KIF4A: variants seen among roughly 807,000 people sequenced by gnomAD.
KIF4A encodes the protein kinesin family member 4A, also known as chromosome-associated kinesin KIF4A.
In KIF4A, 7 loss-of-function variants were observed where a neutral mutation model predicts 105.9. That is an observed-to-expected ratio of 0.07 (90% CI 0.04 to 0.12). KIF4A has a LOEUF of 0.12. Ranked by LOEUF, KIF4A falls within the 10% of genes least tolerant of loss-of-function variation. KIF4A has a pLI of 1.00. For synonymous variants in KIF4A, 281 were observed against 331.3 expected (o/e 0.85, Z 1.65); for missense variants, 558 against 929.2 (o/e 0.60, Z 5.19).
chrX:70,343,261 A>G (rs1371489023), intron 11 of KIF4A, among the ~76,000 whole-genome samples: 1 of 111,718 alleles, frequency 9.0e-6, no homozygotes, highest in Non-Finnish European at 1.9e-5. Context: ...GCTAGGGAAC[A>G]GCGTAGTGTA....
intron 20 of KIF4A, among the ~76,000 whole-genome samples, chrX:70,394,691 T>C (rs1407471930): frequency 8.9e-6 from 1 of 112,287 alleles, no homozygotes; most frequent in Admixed American, 9.5e-5. Context: ...TTATGATTTA[T>C]ATTATCTTTG....
intron 5 of KIF4A, 100 bp from the exon 6 acceptor site, chrX:70,301,800 C>A: frequency 1.1e-6 from 1 of 926,043 alleles, no homozygotes; most frequent in Non-Finnish European, 1.5e-6. Flanking sequence ...TGAGGTTCTA[C>A]TAGACTATCA....
At position 70,417,777 on chromosome X, in the gene KIF4A, T is replaced by C. The variant is rs752138026; in HGVS notation, c.3256-111T>C. On this transcript the variant is annotated intron_variant, in intron 28 of 30. Coordinates refer to ENST00000374403, the MANE Select transcript of KIF4A (RefSeq NM_012310.5). ...ACTAAGGAGATTGAAGCTTGGTAGA[T>C]AATAGTACTTTCCATTTTTTTCTAG... 52 of 526,936 alleles carry C rather than the reference T, an allele frequency of 9.9e-5. 1 individual carries two copies. In the South Asian group the frequency reaches 1.7e-3, roughly 17 times the overall value. The allele number at this position is 526,936 out of a possible 1,213,427, so 43.4% of individuals were successfully genotyped here. A position where few individuals can be genotyped will look rare whatever the true frequency, so the allele number is the denominator to read the frequency against.
At position 70,420,879 on chromosome X, in the gene KIF4A, GT is replaced by G. The variant is rs1205054109; in HGVS notation, c.*616del. The G allele has an allele frequency of 9.0e-6, 1 of 111,386 alleles. No individual in the cohort carries two copies. The highest frequency in any genetic ancestry group is 1.9e-5 in the Non-Finnish European group (1 of 53,067). The allele number at this position is 111,386 out of a possible 1,213,427, so 9.2% of individuals were successfully genotyped here. A position where few individuals can be genotyped will look rare whatever the true frequency, so the allele number is the denominator to read the frequency against. On this transcript the variant is annotated 3_prime_UTR_variant, in exon 31 of 31. Transcript: ENST00000374403. ...AGGGAGAAATAAAATTTCAACCTGT[GT>G]TCCTCAGCCCCTGAGGAAGCTATTA...
At position 70,396,067 on chromosome X, in the gene KIF4A, T is replaced by C. The variant is rs1569250989; in HGVS notation, c.2489+18T>C. On this transcript the variant is annotated intron_variant, in intron 22 of 30. Transcript: ENST00000374403. ...GAATTCAGGTAACAGGGACTATCTC[T>C]AAGCCATTATAAAAATTTATGCCTG... is the stretch of plus-strand genomic sequence containing the variant. The C allele has an allele frequency of 9.4e-7, 1 of 1,066,378 alleles. No homozygotes were observed. Among genetic ancestry groups the C allele is most frequent in the Non-Finnish European group, 1.3e-6 (1 of 777,693 alleles). The allele number at this position is 1,066,378 out of a possible 1,213,427, so 87.9% of individuals were successfully genotyped here.
intron 18 of KIF4A, among the ~76,000 whole-genome samples, 173 bp from the exon 19 acceptor site, chrX:70,386,445 C>T (rs888129058): frequency 8.9e-6 from 1 of 111,935 alleles, no homozygotes; most frequent in Admixed American, 9.6e-5. Flanking sequence ...CCCCTCTACA[C>T]ACAAACATGG....
At chrX:70,291,374 A>ACT (rs2085760045) in intron 3 of KIF4A, among the ~76,000 whole-genome samples, 1 of 111,257 alleles carries the variant, frequency 9.0e-6, no homozygotes, top group Admixed American at 9.6e-5. Context: ...GATGGCTCTA[A>ACT]CTCTGCTTGG....
chrX:70,344,481 T>TG (rs1449516973), intron 13 of KIF4A, among the ~76,000 whole-genome samples: 2 of 111,709 alleles, frequency 1.8e-5, no homozygotes, highest in Non-Finnish European at 1.9e-5. Context: ...AGGTGTGTTT[T>TG]GGGGGTGGGG....
intron 22 of KIF4A, chrX:70,396,423 T>TTG (rs770501314): frequency 8.3e-4 from 100 of 120,779 alleles, no homozygotes; most frequent in Admixed American, 7.7e-3. Flanking sequence ...AATTCAGCAA[T>TTG]CTTAAGAAAT....
chrX:70,375,641 T>C lies in KIF4A; in HGVS notation c.1923+293T>C, dbSNP rs143996142. On this transcript the variant is annotated intron_variant, in intron 17 of 30. Transcript: ENST00000374403. ...GTTATATCCTGATCACCTTCCATGA[T>C]CATGCAGCATAATTTTGTAAAGTAG... 7.5e-3 allele frequency among the ~76,000 whole-genome samples: 836 copies of C among 111,748 alleles called. 12 individuals carry two copies. Among genetic ancestry groups the C allele is most frequent in the African/African-American group, 0.026 (785 of 30,773 alleles).
intron 11 of KIF4A, among the ~76,000 whole-genome samples, chrX:70,342,143 T>C (rs183447326): frequency 8.9e-6 from 1 of 112,665 alleles, no homozygotes; most frequent in East Asian, 2.8e-4. Context: ...TGAACACCTA[T>C]GTATCTACCA....
At chrX:70,401,464 G>T (rs750833554) in intron 22 of KIF4A, among the ~76,000 whole-genome samples, 17 of 105,694 alleles carry the variant, frequency 1.6e-4, no homozygotes, top group Non-Finnish European at 9.7e-5. Context: ...GCAATGGCAC[G>T]ATCTCGGCTC....
At chrX:70,292,645 A>G in intron 3 of KIF4A, among the ~76,000 whole-genome samples, 1 of 111,882 alleles carries the variant, frequency 8.9e-6, no homozygotes, top group Non-Finnish European at 1.9e-5. Flanking sequence ...CTTTTTACAT[A>G]CAGTATTTGG....
chrX:70,335,778 C>T (rs184228512), intron 10 of KIF4A, among the ~76,000 whole-genome samples: 3 of 111,654 alleles, frequency 2.7e-5, no homozygotes, highest in Admixed American at 1.9e-4. Context: ...ACATTGGCAA[C>T]TAGGAAGCAT....
intron 23 of KIF4A, among the ~76,000 whole-genome samples, chrX:70,403,342 T>C: frequency 8.9e-6 from 1 of 112,475 alleles, no homozygotes; most frequent in Non-Finnish European, 1.9e-5. Flanking sequence ...CTGGTACTTA[T>C]GATGTTCACC....
At chrX:70,383,516 C>T (rs2086206013) in intron 18 of KIF4A, among the ~76,000 whole-genome samples, 1 of 111,971 alleles carries the variant, frequency 8.9e-6, no homozygotes, top group African/African-American at 3.2e-5. Context: ...TATGATCCAG[C>T]AATTCCACTC....
rs191807033 is a variant in KIF4A at position 70,420,519 on chromosome X, C to T, written c.*254C>T. 2.6e-4 allele frequency: 89 copies of T among 348,375 alleles called. No homozygotes were observed. Among genetic ancestry groups the T allele is most frequent in the African/African-American group, 1.9e-3 (72 of 38,574 alleles). 28.7% of individuals were successfully genotyped at this position (348,375 alleles called of 1,213,427 possible). ...GAGAACCAACTGACTTTCCTATTGA[C>T]TCATCAGGAACCAGTCCTCAGTCTG... On this transcript the variant is annotated 3_prime_UTR_variant, in exon 31 of 31. Transcript: ENST00000374403.
At chrX:70,302,497 A>G in intron 7 of KIF4A, 99 bp downstream of exon 7, 1 of 802,656 alleles carries the variant, frequency 1.2e-6, no homozygotes, top group Non-Finnish European at 1.8e-6. Context: ...TCACATTCTA[A>G]CAGTAGCTAC....
At chrX:70,311,927 C>T (rs2085851355) in intron 7 of KIF4A, among the ~76,000 whole-genome samples, 1 of 104,348 alleles carries the variant, frequency 9.6e-6, no homozygotes, top group African/African-American at 3.5e-5. Context: ...GCACTCCAGC[C>T]TAGGCCATAG....
Sources: gnomAD v4.1 joint callset for allele counts (sites outside exome capture counted in the v4.1 genomes callset) on GRCh38, gnomAD v4.1.1 for gene constraint, MANE v1.5 for transcripts, NCBI Gene and HGNC (gene_info 2026-07-23, HGNC 2026-07-21) for gene names.